Variants in TRPC3 observed in about 807,000 individuals in gnomAD.
The protein encoded by TRPC3 is short transient receptor potential channel 3.
Under a neutral mutation model 90.9 loss-of-function variants are expected in TRPC3, and 54 were observed. The observed-to-expected ratio is 0.59, with a 90% confidence interval of 0.48 to 0.75. TRPC3 has a LOEUF of 0.75. Among genes scored for constraint, TRPC3 ranks in the 30% least tolerant of loss-of-function variants. TRPC3 has a pLI of 0.00. For synonymous variants in TRPC3, 424 were observed against 450.9 expected (o/e 0.94, Z 0.75); for missense variants, 918 against 1,194.5 (o/e 0.77, Z 3.41).
intron 11 of TRPC3, among the ~76,000 whole-genome samples, chr4:121,881,278 T>C (rs1179069116): frequency 6.6e-6 from 1 of 152,140 alleles, no homozygotes; most frequent in Non-Finnish European, 1.5e-5. Context: ...AGTAAGAACT[T>C]TGTTCAAAAC....
At chr4:121,891,484 G>T (rs1449445672) in intron 10 of TRPC3, among the ~76,000 whole-genome samples, 1 of 152,176 alleles carries the variant, frequency 6.6e-6, no homozygotes, top group Non-Finnish European at 1.5e-5. Flanking sequence ...TAGTGAAGTG[G>T]ATCAGAATAT....
intron 7 of TRPC3, among the ~76,000 whole-genome samples, chr4:121,905,030 C>T (rs770835456): frequency 6.6e-5 from 10 of 151,890 alleles, no homozygotes; most frequent in Non-Finnish European, 1.3e-4. Context: ...TCTGGTATAT[C>T]CAGATGATGG....
chr4:121,936,767 C>T (rs1475566219), intron 1 of TRPC3, among the ~76,000 whole-genome samples: 2 of 152,078 alleles, frequency 1.3e-5, no homozygotes, highest in Admixed American at 1.3e-4. Flanking sequence ...TACAAGGTAC[C>T]TCTCCAGAAA....
Position 121,932,903 on chromosome 4 carries a change from C to T in TRPC3, c.355G>A (p.Ala119Thr). 3 of 1,614,074 alleles carry T rather than the reference C, an allele frequency of 1.9e-6. No homozygotes were observed. Among genetic ancestry groups the T allele is most frequent in the African/African-American group, 1.3e-5 (1 of 75,060 alleles). The change falls in exon 2 of 12, where the codon GCC becomes ACC. Residue 119 changes from alanine to threonine, a missense_variant. Transcript: ENST00000379645. This position sits in a 1 kb window ranked among gnomAD's most constrained non-coding sequence, Gnocchi z 7.7. ...ACTGGGATGTTGCCGTACTCGGCGG[C>T]GTCGAGGAAGCGCTCCTCCTCGGCG... ...LTAEEERFLDAAEYGNIPVVR... is the reference protein window; with the variant it reads ...LTAEEERFLDTAEYGNIPVVR...
intron 3 of TRPC3, among the ~76,000 whole-genome samples, chr4:121,923,731 A>G (rs1227093046): frequency 6.6e-6 from 1 of 152,242 alleles, no homozygotes; most frequent in Non-Finnish European, 1.5e-5. Flanking sequence ...ACAGGAGCAC[A>G]TGGTGATGTC....
chr4:121,897,623 T>C (rs991459180), intron 10 of TRPC3, among the ~76,000 whole-genome samples: 1 of 151,058 alleles, frequency 6.6e-6, no homozygotes, highest in African/African-American at 2.4e-5. Context: ...CTCACTCCAG[T>C]TAGAATGTCT....
intron 3 of TRPC3, among the ~76,000 whole-genome samples, chr4:121,915,719 TGTTAA>T (rs1729290198): frequency 2.0e-5 from 3 of 152,226 alleles, no homozygotes; most frequent in Non-Finnish European, 2.9e-5. Flanking sequence ...CGTTTGATTT[TGTTAA>T]GTTATCTGCC....
intron 6 of TRPC3, among the ~76,000 whole-genome samples, chr4:121,909,067 ATACAT>A (rs1342960253): frequency 6.6e-6 from 1 of 152,162 alleles, no homozygotes; most frequent in Non-Finnish European, 1.5e-5. Flanking sequence ...GTCATCAAAT[ATACAT>A]AAATAAATTT....
At chr4:121,941,495 G>A (rs1730308783) in intron 1 of TRPC3, among the ~76,000 whole-genome samples, 1 of 152,194 alleles carries the variant, frequency 6.6e-6, no homozygotes, top group Non-Finnish European at 1.5e-5. Context: ...AGAAGTGGGG[G>A]AAAGTGTTAG....
chr4:121,890,638 CT>C (rs1184987278), intron 10 of TRPC3, among the ~76,000 whole-genome samples: 34 of 152,166 alleles, frequency 2.2e-4, no homozygotes, highest in Middle Eastern at 3.4e-3. Flanking sequence ...AGAAAAATGT[CT>C]TGAGATATTT....
In TRPC3 at chr4:121,877,667, C is replaced by T. The variant is rs1045178841; in HGVS notation, c.*2069G>A. 6.6e-6 allele frequency among the ~76,000 whole-genome samples: 1 copy of T among 151,370 alleles called. No individual in the cohort carries two copies. Among genetic ancestry groups the T allele is most frequent in the Non-Finnish European group, 1.5e-5 (1 of 67,960 alleles). On this transcript the variant is annotated 3_prime_UTR_variant, in exon 12 of 12. Transcript: ENST00000379645. ...ATCACACCTTCTTCTGAAACAACAC[C>T]TTGAAATGATGAATAAGGAAAAAGA...
rs551501027 is a variant in TRPC3, at chr4:121,933,357, A to G, written c.216-315T>C. On this transcript the variant is annotated intron_variant, in intron 1 of 11. Transcript: ENST00000379645. ...TGCCTTCCTTGTGACCCTAGTAAAG[A>G]TGGAACTCATCGTACCTTCCGCTCT... 5.7e-5 allele frequency: 14 copies of G among 244,014 alleles called. No individual in the cohort carries two copies. In the South Asian group the frequency reaches 2.2e-3, roughly 38 times the overall value. The allele number at this position is 244,014 out of a possible 1,614,324, so 15.1% of individuals were successfully genotyped here.
chr4:121,912,163 G>T, intron 4 of TRPC3, 70 bp from the exon 5 acceptor site: 3 of 1,291,182 alleles, frequency 2.3e-6, no homozygotes, highest in Non-Finnish European at 2.1e-6. Context: ...TTACAACATA[G>T]GATTAAAAAA....
At chr4:121,943,889 T>A (rs548425299) in intron 1 of TRPC3, among the ~76,000 whole-genome samples, 49 of 149,864 alleles carry the variant, frequency 3.3e-4, no homozygotes, top group Middle Eastern at 3.4e-3. Flanking sequence ...TCACCTATTA[T>A]TTGAACAGTG....
At chr4:121,917,243 T>C (rs1729350492) in intron 3 of TRPC3, among the ~76,000 whole-genome samples, 1 of 152,218 alleles carries the variant, frequency 6.6e-6, no homozygotes, top group African/African-American at 2.4e-5. Flanking sequence ...CAGCATTTCA[T>C]AGACCAATGC....
intron 10 of TRPC3, among the ~76,000 whole-genome samples, chr4:121,896,002 G>T (rs1320879932): frequency 6.6e-6 from 1 of 152,062 alleles, no homozygotes; most frequent in African/African-American, 2.4e-5. Context: ...TCCCAGGAAT[G>T]CAAGGATGTT....
intron 3 of TRPC3, 25 bp downstream of exon 3, chr4:121,924,993 A>G: frequency 3.8e-6 from 6 of 1,592,790 alleles, no homozygotes; most frequent in Non-Finnish European, 4.3e-6. Flanking sequence ...CTAATATGGC[A>G]CTAGATGAAA....
chr4:121,885,481 G>A (rs887910082), intron 10 of TRPC3, among the ~76,000 whole-genome samples: 3 of 152,128 alleles, frequency 2.0e-5, no homozygotes, highest in African/African-American at 7.2e-5. Context: ...TCATTCACAA[G>A]CTCTGGAACC....
In TRPC3 at chr4:121,877,940, A is replaced by G. The variant is rs934215887; in HGVS notation, c.*1796T>C. ...TTCAACATTTTTTCCAACCGCAAAG[A>G]AGAAAATTACAAAATATTCAGTTCC... On this transcript the variant is annotated 3_prime_UTR_variant, in exon 12 of 12. Coordinates refer to ENST00000379645, the MANE Select transcript of TRPC3 (RefSeq NM_001130698.2). 7.9e-5 allele frequency among the ~76,000 whole-genome samples: 12 copies of G among 152,310 alleles called. No individual in the cohort carries two copies. Among genetic ancestry groups the G allele is most frequent in the Admixed American group, 1.3e-4 (2 of 15,298 alleles).
Sources: allele counts gnomAD v4.1 joint callset (sites outside exome capture counted in the v4.1 genomes callset), GRCh38; gene constraint gnomAD v4.1.1; non-coding constraint Gnocchi (gnomAD v3.1); transcripts MANE v1.5; gene names NCBI Gene and HGNC (gene_info 2026-07-23, HGNC 2026-07-21).